RIMOC1: variants seen among roughly 807,000 people sequenced by gnomAD.
The protein encoded by RIMOC1 is RAB7A interacting MON1-CCZ1 complex subunit 1.
chr5:41,908,306 C>T, the RIMOC1 span: 1 of 153,228 alleles, frequency 6.5e-6, no homozygotes, highest in Non-Finnish European at 1.4e-5. Flanking sequence ...CTTTCCAAAT[C>T]AGGCTGCTGT....
the RIMOC1 span, among the ~76,000 whole-genome samples, chr5:41,905,134 C>T: frequency 1.3e-5 from 2 of 152,136 alleles, no homozygotes; most frequent in Non-Finnish European, 2.9e-5. Context: ...CTACATTATT[C>T]CTTTTTGAGT....
the RIMOC1 span, chr5:41,909,854 C>G: frequency 6.3e-7 from 1 of 1,580,622 alleles, no homozygotes; most frequent in South Asian, 1.2e-5. Flanking sequence ...TCTTTCAGAA[C>G]CAGAAATTTT....
At chr5:41,917,013 C>T in the RIMOC1 span, 10 of 1,573,494 alleles carry the variant, frequency 6.4e-6, no homozygotes, top group Admixed American at 1.4e-4. Context: ...ATGACTTTCC[C>T]AGGAATATTT....
the RIMOC1 span, chr5:41,917,971 A>AT: frequency 2.0e-6 from 2 of 981,892 alleles, no homozygotes; most frequent in African/African-American, 3.5e-5. Context: ...AGTAATGAAG[A>AT]TAAAAACCAA....
chr5:41,912,117 T>C, the RIMOC1 span: 2 of 1,612,432 alleles, frequency 1.2e-6, no homozygotes, highest in Non-Finnish European at 1.7e-6. Context: ...AAATTATCGA[T>C]GTCCTATCCA....
At chr5:41,918,626 A>G in the RIMOC1 span, 2 of 985,362 alleles carry the variant, frequency 2.0e-6, no homozygotes, top group South Asian at 4.7e-5. Flanking sequence ...TAGAATCACT[A>G]CAAGTGTCTC....
At chr5:41,914,570 C>G in the RIMOC1 span, among the ~76,000 whole-genome samples, 5 of 149,766 alleles carry the variant, frequency 3.3e-5, no homozygotes, top group South Asian at 2.1e-4. Flanking sequence ...GCCAGGAGTT[C>G]AAGACATAGT....
At chr5:41,917,140 G>T in the RIMOC1 span, 3 of 1,613,742 alleles carry the variant, frequency 1.9e-6, no homozygotes, top group South Asian at 2.2e-5. Context: ...TGTCTGGAGC[G>T]GGCTGCACTA....
chr5:41,915,528 G>T, the RIMOC1 span, among the ~76,000 whole-genome samples: 3 of 152,180 alleles, frequency 2.0e-5, no homozygotes, highest in Non-Finnish European at 2.9e-5. Context: ...AGACTGGGAA[G>T]AAAAAATAGG....
chr5:41,916,085 C>T, the RIMOC1 span, among the ~76,000 whole-genome samples: 1 of 152,208 alleles, frequency 6.6e-6, no homozygotes, highest in Non-Finnish European at 1.5e-5. Flanking sequence ...GTAATCTTTT[C>T]TAATCACAGA....
the RIMOC1 span, chr5:41,912,168 A>T: frequency 6.3e-7 from 1 of 1,594,990 alleles, no homozygotes; most frequent in African/African-American, 1.3e-5. Flanking sequence ...AGACACAGCT[A>T]AATTACTGAG....
At chr5:41,917,411 T>A in the RIMOC1 span, 2 of 1,414,236 alleles carry the variant, frequency 1.4e-6, no homozygotes, top group South Asian at 3.4e-5. Flanking sequence ...TTACACTGCA[T>A]AAAGATATCC....
chr5:41,920,035 T>C, the RIMOC1 span: 1 of 152,186 alleles, frequency 6.6e-6, no homozygotes, highest in African/African-American at 2.4e-5. Flanking sequence ...CTATGCCCTC[T>C]ATACCAGTGG....
chr5:41,916,469 A>G, the RIMOC1 span: 3 of 966,088 alleles, frequency 3.1e-6, no homozygotes, highest in South Asian at 4.8e-5. Flanking sequence ...CATCTTGGAA[A>G]TAACACCTTT....
At chr5:41,918,474 T>C in the RIMOC1 span, 1 of 985,466 alleles carries the variant, frequency 1.0e-6, no homozygotes, top group Non-Finnish European at 1.2e-6. Context: ...TGGGATACTA[T>C]ATGAACTAAT....
the RIMOC1 span, chr5:41,918,504 T>G: frequency 2.0e-6 from 2 of 985,432 alleles, no homozygotes; most frequent in Non-Finnish European, 2.4e-6. Flanking sequence ...TATTCTTCTT[T>G]CCCTGGTCTT....
chr5:41,904,545 A>C, the RIMOC1 span: 2 of 1,364,758 alleles, frequency 1.5e-6, no homozygotes, highest in East Asian at 2.5e-5. Flanking sequence ...TGAGGGCTAG[A>C]GGCTGAGGCC....
At chr5:41,910,027 G>A in the RIMOC1 span, 1 of 674,778 alleles carries the variant, frequency 1.5e-6, no homozygotes, top group South Asian at 2.2e-5. Flanking sequence ...AGATAAAAGA[G>A]CTTAACACTT....
chr5:41,904,446 A>G, the RIMOC1 span: 1 of 1,614,010 alleles, frequency 6.2e-7, no homozygotes, highest in Non-Finnish European at 8.5e-7. Flanking sequence ...ACAGCAACTT[A>G]GCGAAGCTGC....
Sources: allele counts gnomAD v4.1 joint callset (sites outside exome capture counted in the v4.1 genomes callset), GRCh38; gene constraint gnomAD v4.1.1; transcripts MANE v1.5; gene names NCBI Gene and HGNC (gene_info 2026-07-23, HGNC 2026-07-21).